The following TMEM204 variants were observed in gnomAD, a reference collection of about 807,000 sequenced individuals.
TMEM204 encodes claudin-like protein 24.
In TMEM204, 15 loss-of-function variants were observed where a neutral mutation model predicts 19.4. The ratio of observed to expected loss-of-function variants is 0.77; its 90% confidence interval spans 0.52 to 1.19. The LOEUF is 1.19. Ranked by LOEUF, TMEM204 falls within the 50% of genes most tolerant of loss-of-function variation. TMEM204 has a pLI of 0.00. For synonymous variants in TMEM204, 161 were observed against 146.0 expected, an observed-to-expected ratio of 1.10 and a Z score of -0.74; for missense variants, 287 against 321.2, an observed-to-expected ratio of 0.89 and a Z score of 0.81.
At chr16:1,538,162 C>T (rs2031264297) in intron 1 of TMEM204, among the ~76,000 whole-genome samples, 1 of 152,192 alleles carries the variant, frequency 6.6e-6, no homozygotes. Flanking sequence ...GGCAGGAGTG[C>T]CTCCTTCCTG....
chr16:1,533,030 A>C (rs1411747680), upstream of TMEM204: 1 of 152,514 alleles, frequency 6.6e-6, no homozygotes, highest in African/African-American at 2.4e-5. The surrounding 1 kb of genome is among the most constrained non-coding windows in gnomAD (Gnocchi z 4.7). Context: ...TTGCCACCTA[A>C]GAATGACCTG....
In TMEM204 at chr16:1,541,631, C is replaced by A. The variant is rs548469539; in HGVS notation, c.281-290C>A. 6.0e-4 allele frequency: 256 copies of A among 424,518 alleles called. 4 individuals are homozygous for A. Among genetic ancestry groups the A allele is most frequent in the Non-Finnish European group, 3.1e-4 (98 of 317,482 alleles). The allele number at this position is 424,518 out of a possible 1,614,324, so 26.3% of individuals were successfully genotyped here. A position where few individuals can be genotyped will look rare whatever the true frequency, so the allele number is the denominator to read the frequency against. On this transcript the variant is annotated intron_variant, in intron 1 of 2. Coordinates refer to ENST00000566264, the MANE Select transcript of TMEM204 (RefSeq NM_024600.6). The stretch of plus-strand genomic sequence containing the variant: ...GTCAGGCAGAGAGGAACAGCTGTCT[C>A]AGGAAGACAGAAATAGCAGAGTAGG...
intron 2 of TMEM204, among the ~76,000 whole-genome samples, chr16:1,552,730 C>T (rs1377609205): frequency 6.8e-6 from 1 of 148,092 alleles, no homozygotes; most frequent in Non-Finnish European, 1.5e-5. Flanking sequence ...CTCACTGCAA[C>T]CTCCGCCTCT....
chr16:1,529,008 G>A (rs551282322), upstream of TMEM204, among the ~76,000 whole-genome samples: 174 of 152,244 alleles, frequency 1.1e-3, 3 homozygotes, highest in Admixed American at 3.3e-4. Context: ...GGGCAGGCTC[G>A]GTGCACTTGT....
rs764604769 is a variant in TMEM204 at position 1,534,428 on chromosome 16, G to A, written c.153G>A (p.Leu51=). The change falls in exon 1 of 3, where the codon CTG becomes CTA. Residue 51 remains leucine, a synonymous_variant. Coordinates refer to ENST00000566264, the MANE Select transcript of TMEM204 (RefSeq NM_024600.6). ...TGGGGCTGTGGAGGTCCTGCTGGCTGGTGGACAGGACCCGGGGAGGGCCGA... is the reference window on the plus strand; with the variant it reads ...TGGGGCTGTGGAGGTCCTGCTGGCTAGTGGACAGGACCCGGGGAGGGCCGA... ...RSVGLWRSCW[L]VDRTRGGPSP... is the part of the protein sequence containing the mutation. The A allele has an allele frequency of 8.7e-6, 14 of 1,612,206 alleles. No homozygotes were observed. In the East Asian group the frequency reaches 1.8e-4, roughly 21 times the overall value.
At chr16:1,529,961 C>G (rs141990436), upstream of TMEM204, among the ~76,000 whole-genome samples, 39 of 152,076 alleles carry the variant, frequency 2.6e-4, no homozygotes, top group South Asian at 1.0e-3. Context: ...TTCTACAGAT[C>G]GGATGGAAGG....
intron 2 of TMEM204, among the ~76,000 whole-genome samples, chr16:1,545,613 T>C (rs2032105190): frequency 6.6e-6 from 1 of 151,962 alleles, no homozygotes. Context: ...TGCTATTACC[T>C]GTTATGCAAG....
chr16:1,530,732 G>C (rs1050740924), upstream of TMEM204: 20 of 152,408 alleles, frequency 1.3e-4, no homozygotes, highest in African/African-American at 4.8e-4. Flanking sequence ...CGTGGGGAGC[G>C]GGAGAGAGCC....
intron 2 of TMEM204, among the ~76,000 whole-genome samples, chr16:1,543,589 T>C (rs2031862435): frequency 6.6e-6 from 1 of 152,238 alleles, no homozygotes; most frequent in East Asian, 1.9e-4. Flanking sequence ...TAAACTAACG[T>C]GAGCCTCTGC....
chr16:1,535,003 A>G (rs1022467272), intron 1 of TMEM204, among the ~76,000 whole-genome samples: 1 of 152,132 alleles, frequency 6.6e-6, no homozygotes, highest in African/African-American at 2.4e-5. Context: ...CCAAGAGTTC[A>G]AGACGAACCT....
At chr16:1,554,078 C>T (rs1280955707) in intron 2 of TMEM204, 20 of 1,286,972 alleles carry the variant, frequency 1.6e-5, no homozygotes, top group Non-Finnish European at 2.0e-5. Context: ...GAAAATCTGC[C>T]AGGGAGGAGG....
upstream of TMEM204, among the ~76,000 whole-genome samples, chr16:1,530,015 G>GGT (rs1467449046): frequency 4.6e-5 from 7 of 152,154 alleles, no homozygotes; most frequent in Non-Finnish European, 1.0e-4. Context: ...CTAACATCTG[G>GGT]GTGGTGGCAG....
At chr16:1,546,731 C>CTGT (rs2032209058) in intron 2 of TMEM204, among the ~76,000 whole-genome samples, 1 of 152,222 alleles carries the variant, frequency 6.6e-6, no homozygotes, top group Admixed American at 6.5e-5. Flanking sequence ...CTGGCTTTCA[C>CTGT]ACAGGGCCCG....
At chr16:1,539,962 A>G (rs1236072254) in intron 1 of TMEM204, among the ~76,000 whole-genome samples, 1 of 152,174 alleles carries the variant, frequency 6.6e-6, no homozygotes, top group Non-Finnish European at 1.5e-5. Context: ...CGGAGCGGGC[A>G]CAGTGGAAAA....
chr16:1,552,597 T>C (rs2032745417), intron 2 of TMEM204, among the ~76,000 whole-genome samples: 1 of 151,428 alleles, frequency 6.6e-6, no homozygotes, highest in African/African-American at 2.4e-5. Flanking sequence ...CATTCCGCAC[T>C]GGTAGAAATG....
intron 1 of TMEM204, among the ~76,000 whole-genome samples, chr16:1,538,926 G>A (rs1363129193): frequency 1.3e-5 from 2 of 152,192 alleles, no homozygotes; most frequent in Non-Finnish European, 2.9e-5. Context: ...GGTCCCATCT[G>A]CACAGGCCCT....
chr16:1,553,474 C>G lies in TMEM204; in HGVS notation c.437-1308C>G, dbSNP rs1311269450. The G allele has an allele frequency of 1.0e-6, 1 of 985,306 alleles. No individual in the cohort carries two copies. The highest frequency in any genetic ancestry group is 1.2e-6 in the Non-Finnish European group (1 of 829,946). The allele number at this position is 985,306 out of a possible 1,614,324, so 61.0% of individuals were successfully genotyped here. ...CACAGGTGTCAACATGCAGGCCAGGCGGAGGGACAGCAGTGGGGCTCGGCG... is the reference window on the plus strand; with the variant it reads ...CACAGGTGTCAACATGCAGGCCAGGGGGAGGGACAGCAGTGGGGCTCGGCG... On this transcript the variant is annotated intron_variant, in intron 2 of 2. Transcript: ENST00000566264. The surrounding 1 kb of genome is among the most constrained non-coding windows in gnomAD (Gnocchi z 4.4).
At chr16:1,544,554 T>A (rs2141319554) in intron 2 of TMEM204, among the ~76,000 whole-genome samples, 1 of 152,188 alleles carries the variant, frequency 6.6e-6, no homozygotes, top group African/African-American at 2.4e-5. Flanking sequence ...GGTCTCGAAC[T>A]CCTGATCTCA....
At chr16:1,542,550 C>T (rs1158479182) in intron 2 of TMEM204, among the ~76,000 whole-genome samples, 1 of 152,218 alleles carries the variant, frequency 6.6e-6, no homozygotes, top group Admixed American at 6.5e-5. Flanking sequence ...CTAGGAAGGC[C>T]AAGGCATGTG....
Sources: gnomAD v4.1 joint callset for allele counts (sites outside exome capture counted in the v4.1 genomes callset) on GRCh38, gnomAD v4.1.1 for gene constraint, Gnocchi (gnomAD v3.1) non-coding constraint, MANE v1.5 for transcripts, NCBI Gene and HGNC (gene_info 2026-07-23, HGNC 2026-07-21) for gene names.